Variants in MGAT4C observed in about 807,000 individuals in gnomAD.
MGAT4C encodes MGAT4 family member C.
Under a neutral mutation model 40.1 loss-of-function variants are expected in MGAT4C, and 19 were observed. The observed-to-expected ratio is 0.47, with a 90% CI of 0.33 to 0.70. MGAT4C has a LOEUF of 0.70. Ranked by LOEUF, MGAT4C falls within the 30% of genes least tolerant of loss-of-function variation. MGAT4C has a pLI of 0.02. For synonymous variants in MGAT4C, 181 were observed against 187.1 expected, an observed-to-expected ratio of 0.97 and a Z score of 0.27; for missense variants, 491 against 563.2, an observed-to-expected ratio of 0.87 and a Z score of 1.30.
chr12:86,311,892 A>T (rs745820766), intron 4 of MGAT4C, among the ~76,000 whole-genome samples: 1 of 152,128 alleles, frequency 6.6e-6, no homozygotes, highest in Non-Finnish European at 1.5e-5. Context: ...AAGGGCCTGG[A>T]CACAGGTGTT....
intron 1 of MGAT4C, among the ~76,000 whole-genome samples, chr12:86,806,818 G>C (rs572114603): frequency 6.6e-6 from 1 of 151,962 alleles, no homozygotes; most frequent in African/African-American, 2.4e-5. Flanking sequence ...AGAACACTTG[G>C]ACACAGGAAG....
rs544198599 is a variant in MGAT4C at position 85,974,971 on chromosome 12, T to G, written c.*4318A>C. 6.6e-6 allele frequency: 1 copy of G among 150,802 alleles called. No homozygotes were observed. Among genetic ancestry groups the G allele is most frequent in the Admixed American group, 6.6e-5 (1 of 15,088 alleles). The allele number at this position is 150,802 out of a possible 1,614,324, so 9.3% of individuals were successfully genotyped here. A position where few individuals can be genotyped will look rare whatever the true frequency, so the allele number is the denominator to read the frequency against. ...GTAAAAAGATTCTGAAGACTGCATT[T>G]CTGAGCTTAAGGTAGATTCTAAACA... On this transcript the variant is annotated 3_prime_UTR_variant, in exon 5 of 5. Coordinates refer to ENST00000611864, the MANE Select transcript of MGAT4C (RefSeq NM_001351288.2).
At chr12:86,553,780 A>C (rs1159356631) in intron 2 of MGAT4C, among the ~76,000 whole-genome samples, 1 of 152,156 alleles carries the variant, frequency 6.6e-6, no homozygotes, top group Non-Finnish European at 1.5e-5. Flanking sequence ...ATTTTTAGAA[A>C]TTGTAATTGG....
intron 1 of MGAT4C, among the ~76,000 whole-genome samples, chr12:86,830,468 AT>A (rs767954819): frequency 6.6e-6 from 1 of 151,568 alleles, no homozygotes; most frequent in Non-Finnish European, 1.5e-5. Context: ...ATATGTGAAG[AT>A]TTTTCCTTTA....
chr12:86,482,018 T>C (rs1957945715), intron 2 of MGAT4C, among the ~76,000 whole-genome samples: 1 of 151,066 alleles, frequency 6.6e-6, no homozygotes, highest in Non-Finnish European at 1.5e-5. Flanking sequence ...AATTTCTAGG[T>C]TGTAAAACAG....
At chr12:86,343,024 A>C (rs574023400) in intron 3 of MGAT4C, among the ~76,000 whole-genome samples, 1 of 152,300 alleles carries the variant, frequency 6.6e-6, no homozygotes, top group South Asian at 2.1e-4. Context: ...AATGAGATTG[A>C]GATAGAAAGC....
chr12:86,340,768 T>C (rs1954890142), intron 3 of MGAT4C, among the ~76,000 whole-genome samples: 1 of 152,082 alleles, frequency 6.6e-6, no homozygotes, highest in Non-Finnish European at 1.5e-5. Flanking sequence ...AATAACCAAA[T>C]AGAAGAATCC....
chr12:86,319,145 C>G (rs1954315549), intron 4 of MGAT4C, among the ~76,000 whole-genome samples: 2 of 152,146 alleles, frequency 1.3e-5, no homozygotes, highest in South Asian at 4.1e-4. Flanking sequence ...CCTACTGAAG[C>G]CCATAATCAT....
Position 86,061,242 on chromosome 12 carries a change from G to A in MGAT4C, c.-56-11519C>T, listed in dbSNP as rs370839767. ...AGCAGGGTGGGGCATCCCCTCAACC[G>A]GGAAGTGCAAGGGGTTGGGGAATTC... On this transcript the variant is annotated intron_variant, in intron 1 of 4. Transcript: ENST00000611864. 8.5e-5 allele frequency among the ~76,000 whole-genome samples: 13 copies of A among 152,258 alleles called. No individual in the cohort carries two copies. The South Asian group carries it at 1.4e-3, about 17-fold the overall frequency.
chr12:86,012,764 A>ACAG (rs1264113429), intron 2 of MGAT4C, among the ~76,000 whole-genome samples: 1 of 111,168 alleles, frequency 9.0e-6, no homozygotes, highest in Non-Finnish European at 2.0e-5. Context: ...AACAACAACA[A>ACAG]CAACAACAAC....
chr12:86,766,568 T>C (rs1020957337), intron 1 of MGAT4C, among the ~76,000 whole-genome samples: 1 of 150,680 alleles, frequency 6.6e-6, no homozygotes, highest in Non-Finnish European at 1.5e-5. Context: ...AATATACATT[T>C]TTTTCAGCAC....
intron 1 of MGAT4C, among the ~76,000 whole-genome samples, chr12:86,745,667 T>G (rs146968122): frequency 2.2e-4 from 34 of 151,780 alleles, no homozygotes; most frequent in African/African-American, 8.0e-4. Context: ...CCCATAATAA[T>G]CATGTTTTGA....
At chr12:86,003,732 A>G (rs1000138857) in intron 2 of MGAT4C, among the ~76,000 whole-genome samples, 1 of 146,098 alleles carries the variant, frequency 6.8e-6, no homozygotes, top group Non-Finnish European at 1.5e-5. Context: ...AGTTTTGTGA[A>G]GTTGTGAAGT....
At chr12:86,100,041 A>G (rs1874687674) in intron 1 of MGAT4C, among the ~76,000 whole-genome samples, 1 of 151,052 alleles carries the variant, frequency 6.6e-6, no homozygotes, top group Admixed American at 6.6e-5. Flanking sequence ...AGTTTTTTGA[A>G]TCTTTTATTC....
intron 2 of MGAT4C, among the ~76,000 whole-genome samples, chr12:86,525,233 T>C (rs991410696): frequency 1.3e-5 from 2 of 152,128 alleles, no homozygotes; most frequent in Admixed American, 1.3e-4. Flanking sequence ...AATCTGATGG[T>C]TTAAAAGTGT....
At position 86,140,437 on chromosome 12, in the gene MGAT4C, C is replaced by T. The variant is rs1056587989; in HGVS notation, c.-56-90714G>A. On this transcript the variant is annotated intron_variant, in intron 1 of 4. Coordinates refer to ENST00000611864, the MANE Select transcript of MGAT4C (RefSeq NM_001351288.2). ...CCGCATGTTCTCACCACATTATCTCCTATAAGTGAGAATTGAACAATGGGA... is the reference window on the plus strand; with the variant it reads ...CCGCATGTTCTCACCACATTATCTCTTATAAGTGAGAATTGAACAATGGGA... 3.3e-5 allele frequency among the ~76,000 whole-genome samples: 5 copies of T among 151,982 alleles called. No homozygotes were observed. The East Asian group carries it at 7.7e-4, about 23-fold the overall frequency.
At chr12:86,265,139 A>C (rs1952754318) in intron 4 of MGAT4C, among the ~76,000 whole-genome samples, 1 of 146,476 alleles carries the variant, frequency 6.8e-6, no homozygotes, top group Admixed American at 6.8e-5. Context: ...GGCTGTGCGC[A>C]GTGGCCAGAC....
At chr12:86,443,199 T>A (rs766481812) in intron 2 of MGAT4C, among the ~76,000 whole-genome samples, 1 of 149,892 alleles carries the variant, frequency 6.7e-6, no homozygotes, top group Non-Finnish European at 1.5e-5. Flanking sequence ...TGTGTGTGTA[T>A]ATATATACAC....
chr12:86,360,106 A>G (rs1050742336), intron 3 of MGAT4C, among the ~76,000 whole-genome samples: 47 of 152,328 alleles, frequency 3.1e-4, no homozygotes, highest in Non-Finnish European at 2.8e-4. Context: ...GGCAAACCAA[A>G]TCCAGCAGCA....
Sources: gnomAD v4.1 joint callset for allele counts (sites outside exome capture counted in the v4.1 genomes callset) on GRCh38, gnomAD v4.1.1 for gene constraint, MANE v1.5 for transcripts, NCBI Gene and HGNC (gene_info 2026-07-23, HGNC 2026-07-21) for gene names.